Variants in CD44 observed in about 807,000 individuals in gnomAD.
CD44 encodes CD44 molecule (IN blood group).
Under a neutral mutation model 88.8 loss-of-function variants are expected in CD44, and 49 were observed. The ratio of observed to expected loss-of-function variants is 0.55; its 90% CI spans 0.44 to 0.70. The LOEUF (loss-of-function observed/expected upper bound fraction) is 0.70. Ranked by LOEUF, CD44 falls within the 30% of genes least tolerant of loss-of-function variation. The pLI is 0.00. For synonymous variants in CD44, 325 were observed against 312.3 expected, an observed-to-expected ratio of 1.04 and a Z score of -0.43; for missense variants, 883 against 913.8, an observed-to-expected ratio of 0.97 and a Z score of 0.43.
intron 1 of CD44, among the ~76,000 whole-genome samples, chr11:35,161,265 G>A (rs900838828): frequency 6.6e-6 from 1 of 152,136 alleles, no homozygotes; most frequent in Non-Finnish European, 1.5e-5. Flanking sequence ...CACCCCATAA[G>A]GAAGGCATTA....
At chr11:35,146,515 C>T (rs541127157) in intron 1 of CD44, among the ~76,000 whole-genome samples, 9 of 152,302 alleles carry the variant, frequency 5.9e-5, no homozygotes, top group African/African-American at 1.9e-4. Context: ...CATGTACCAG[C>T]GCCATTCTAA....
rs370506269 is a variant in CD44 at position 35,164,782 on chromosome 11, A to G, written c.68-11793A>G. 7.2e-5 allele frequency among the ~76,000 whole-genome samples: 11 copies of G among 152,378 alleles called. No individual in the cohort carries two copies. In the East Asian group the frequency reaches 1.3e-3, roughly 19 times the overall value. ...TTCTTAATAATGAAGGGAAGAATACAAAAATGATAATACTAAGCCTGGCTC... is the reference window on the plus strand; with the variant it reads ...TTCTTAATAATGAAGGGAAGAATACGAAAATGATAATACTAAGCCTGGCTC... On this transcript the variant is annotated intron_variant, in intron 1 of 17. Coordinates refer to ENST00000428726, the MANE Select transcript of CD44 (RefSeq NM_000610.4).
intron 12 of CD44, among the ~76,000 whole-genome samples, chr11:35,208,983 A>G (rs1208341294): frequency 6.6e-6 from 1 of 152,252 alleles, no homozygotes; most frequent in Non-Finnish European, 1.5e-5. Context: ...CAATGTAAAT[A>G]GCACAGCGTT....
chr11:35,206,061 G>T, intron 10 of CD44, 51 bp from the exon 11 acceptor site: 1 of 1,553,166 alleles, frequency 6.4e-7, no homozygotes, highest in South Asian at 1.2e-5. Flanking sequence ...GTGTATCCCT[G>T]ACCAAGCGTC....
At chr11:35,222,931 C>A in intron 17 of CD44, 1 of 985,364 alleles carries the variant, frequency 1.0e-6, no homozygotes, top group Non-Finnish European at 1.2e-6. Context: ...TTATGGACTC[C>A]TTACTGGTTT....
At chr11:35,154,496 T>G (rs1468837429) in intron 1 of CD44, among the ~76,000 whole-genome samples, 1 of 152,184 alleles carries the variant, frequency 6.6e-6, no homozygotes, top group African/African-American at 2.4e-5. Context: ...TGCCTTCAGA[T>G]GCAAGTACAT....
intron 9 of CD44, among the ~76,000 whole-genome samples, 170 bp from the exon 10 acceptor site, chr11:35,204,342 C>A (rs910312918): frequency 3.9e-5 from 6 of 152,180 alleles, no homozygotes; most frequent in Admixed American, 2.0e-4. Context: ...ACATTTGGAT[C>A]ATTTGATTTC....
chr11:35,226,571 C>A (rs1445903664), intron 17 of CD44, among the ~76,000 whole-genome samples: 1 of 152,192 alleles, frequency 6.6e-6, no homozygotes, highest in Non-Finnish European at 1.5e-5. Flanking sequence ...CACTTGAAAG[C>A]TTACTGTGCT....
chr11:35,179,948 C>A (rs955330320), intron 2 of CD44, among the ~76,000 whole-genome samples: 6 of 152,206 alleles, frequency 3.9e-5, no homozygotes, highest in Admixed American at 6.5e-5. Flanking sequence ...TCTTCTGTGA[C>A]TCAGGCTTCC....
intron 1 of CD44, among the ~76,000 whole-genome samples, chr11:35,175,665 C>T (rs1454874640): frequency 6.6e-6 from 1 of 152,108 alleles, no homozygotes; most frequent in Non-Finnish European, 1.5e-5. Context: ...GTTTGTATGA[C>T]ATCAATAATC....
Position 35,219,356 on chromosome 11 carries a change from C to T in CD44, c.1914C>T (p.Thr638=). ...HGSQEGGANT[T]SGPIRTPQIP... is the part of the protein sequence containing the mutation. Reference sequence around the variant, plus strand: ...GTCAAGAAGGTGGAGCAAACACAACCTCTGGTCCTATAAGGACACCCCAAA... The same window carrying T: ...GTCAAGAAGGTGGAGCAAACACAACTTCTGGTCCTATAAGGACACCCCAAA... Residue 638 remains threonine (T), a synonymous_variant, in exon 16 of 18, where the codon ACC becomes ACT. Transcript: ENST00000428726. The T allele has an allele frequency of 6.2e-7, 1 of 1,613,854 alleles. No homozygotes were observed. The highest frequency in any genetic ancestry group is 8.5e-7 in the Non-Finnish European group (1 of 1,179,846).
At chr11:35,206,543 G>A (rs181277517) in intron 11 of CD44, among the ~76,000 whole-genome samples, 43 of 152,000 alleles carry the variant, frequency 2.8e-4, no homozygotes, top group African/African-American at 9.6e-4. Flanking sequence ...AACAATAAAC[G>A]CTAAAGAAAT....
At chr11:35,144,285 G>A (rs931629922) in intron 1 of CD44, among the ~76,000 whole-genome samples, 5 of 152,246 alleles carry the variant, frequency 3.3e-5, no homozygotes, top group Non-Finnish European at 5.9e-5. Context: ...CCACCGAAGA[G>A]CCTGAAAGGG....
intron 3 of CD44, among the ~76,000 whole-genome samples, chr11:35,183,516 G>T (rs978143761): frequency 2.6e-5 from 4 of 152,274 alleles, no homozygotes; most frequent in Non-Finnish European, 5.9e-5. Context: ...TAGCCTGAAA[G>T]CTGCTAGCAG....
intron 1 of CD44, among the ~76,000 whole-genome samples, chr11:35,157,985 C>T (rs1161360092): frequency 2.0e-5 from 3 of 152,188 alleles, no homozygotes; most frequent in Admixed American, 1.3e-4. Context: ...CCCAGGCTTC[C>T]TTCCGCATAG....
chr11:35,151,943 G>A (rs1860400153), intron 1 of CD44, among the ~76,000 whole-genome samples: 1 of 152,208 alleles, frequency 6.6e-6, no homozygotes, highest in South Asian at 2.1e-4. Context: ...CAGACTTCCT[G>A]GCAAAGGGTC....
chr11:35,167,524 T>C (rs891189258), intron 1 of CD44, among the ~76,000 whole-genome samples: 1 of 152,214 alleles, frequency 6.6e-6, no homozygotes, highest in Non-Finnish European at 1.5e-5. Context: ...CAATCTGTTT[T>C]GGACATGAGC....
chr11:35,145,924 C>CAA (rs1398596122), intron 1 of CD44, among the ~76,000 whole-genome samples: 1 of 152,180 alleles, frequency 6.6e-6, no homozygotes, highest in Non-Finnish European at 1.5e-5. Flanking sequence ...TTGGCAATGG[C>CAA]AAACGGTGTC....
intron 3 of CD44, 55 bp from the exon 4 acceptor site, chr11:35,186,777 G>A (rs1445586043): frequency 3.2e-6 from 3 of 950,896 alleles, no homozygotes; most frequent in Admixed American, 3.4e-5. Flanking sequence ...AAAAATGAGG[G>A]TAGATTTTCC....
Sources: gnomAD v4.1 joint callset for allele counts (sites outside exome capture counted in the v4.1 genomes callset) on GRCh38, gnomAD v4.1.1 for gene constraint, MANE v1.5 for transcripts, NCBI Gene and HGNC (gene_info 2026-07-23, HGNC 2026-07-21) for gene names.